The following ZC3H3 variants were observed in gnomAD, a reference collection of about 807,000 sequenced individuals.
ZC3H3 encodes zinc finger CCCH domain-containing protein 3.
In ZC3H3, 36 loss-of-function variants were observed where a neutral mutation model predicts 77.3. The ratio of observed to expected loss-of-function variants is 0.47; its 90% CI spans 0.36 to 0.61. The LOEUF is 0.61. ZC3H3 is among the 20% of genes least tolerant of loss of function. The pLI is 0.00. For missense variants in ZC3H3, 1,331 were observed against 1,312.2 expected (o/e 1.01, Z -0.22); for synonymous variants, 626 against 555.2 (o/e 1.13, Z -1.79).
chr8:143,510,822 G>T (rs1261457460), intron 3 of ZC3H3, among the ~76,000 whole-genome samples: 2 of 152,122 alleles, frequency 1.3e-5, no homozygotes, highest in African/African-American at 4.8e-5. Flanking sequence ...GACTCCCAGG[G>T]CTGTAATTTT....
chr8:143,443,659 G>A (rs1819801245), intron 9 of ZC3H3, among the ~76,000 whole-genome samples: 1 of 152,198 alleles, frequency 6.6e-6, no homozygotes, highest in African/African-American at 2.4e-5. Flanking sequence ...AACCAAGAGA[G>A]TTAAAAGTTG....
At chr8:143,528,835 GA>G (rs1245818974) in intron 3 of ZC3H3, among the ~76,000 whole-genome samples, 2 of 152,352 alleles carry the variant, frequency 1.3e-5, no homozygotes, top group African/African-American at 4.8e-5. Flanking sequence ...AGTCCTCTGG[GA>G]GGGGGGGCGC....
intron 5 of ZC3H3, 26 bp from the exon 6 acceptor site, chr8:143,468,685 T>C (rs1444648047): frequency 5.7e-5 from 88 of 1,543,320 alleles, no homozygotes; most frequent in Non-Finnish European, 7.5e-5. Flanking sequence ...GCACGGGTCA[T>C]AGCAGGCCAC....
intron 3 of ZC3H3, among the ~76,000 whole-genome samples, chr8:143,515,649 C>T (rs80292129): frequency 0.018 from 2,713 of 152,300 alleles, 79 homozygotes; most frequent in African/African-American, 0.061. Flanking sequence ...GGCCACCACA[C>T]AGAACCCACA....
intron 5 of ZC3H3, among the ~76,000 whole-genome samples, chr8:143,472,898 G>A (rs915021153): frequency 2.6e-5 from 4 of 152,204 alleles, no homozygotes; most frequent in Non-Finnish European, 5.9e-5. Context: ...TGCAGTGGGG[G>A]CCACTCCCTG....
In ZC3H3 at chr8:143,536,456, G is replaced by A. The variant is rs779990729; in HGVS notation, c.1365-3C>T. The A allele has an allele frequency of 1.1e-5, 16 of 1,495,706 alleles. 1 individual carries two copies. The South Asian group carries it at 1.7e-4, about 16-fold the overall frequency. 92.7% of individuals were successfully genotyped at this position (1,495,706 alleles called of 1,614,324 possible). On this transcript the variant is annotated splice_region_variant and splice_polypyrimidine_tract_variant and intron_variant, in intron 2 of 11. Coordinates refer to ENST00000262577, the MANE Select transcript of ZC3H3 (RefSeq NM_015117.3). Reference sequence around the variant, plus strand: ...CGCTTTTCTTGTCTCCAGGAAGGCTGTGGAGACAAAATACAGGCAGCTCTC... The same window carrying A: ...CGCTTTTCTTGTCTCCAGGAAGGCTATGGAGACAAAATACAGGCAGCTCTC...
intron 9 of ZC3H3, among the ~76,000 whole-genome samples, chr8:143,443,480 C>G (rs1819798267): frequency 6.6e-6 from 1 of 152,090 alleles, no homozygotes; most frequent in Admixed American, 6.6e-5. Flanking sequence ...AGAAAACTCT[C>G]CAAAGATCTG....
intron 4 of ZC3H3, among the ~76,000 whole-genome samples, chr8:143,504,548 C>T (rs1260802134): frequency 6.6e-6 from 1 of 152,150 alleles, no homozygotes; most frequent in African/African-American, 2.4e-5. Flanking sequence ...GTCCTGAACA[C>T]CCCACCACAA....
In ZC3H3 at chr8:143,539,154, G is replaced by A. The variant is rs1822924440; in HGVS notation, c.213C>T (p.Arg71=). 1.8e-5 allele frequency: 29 copies of A among 1,613,000 alleles called. No individual in the cohort carries two copies. Among genetic ancestry groups the A allele is most frequent in the Non-Finnish European group, 2.5e-5 (29 of 1,180,024 alleles). ...GYSSHHGPSW[R]KKYSLVNRPP... Reference sequence around the variant, plus strand: ...GCCGATTCACGAGGGAGTATTTCTTGCGCCACGAAGGCCCATGGTGGGAAG... The same window carrying A: ...GCCGATTCACGAGGGAGTATTTCTTACGCCACGAAGGCCCATGGTGGGAAG... The change falls in exon 2 of 12, where the codon CGC becomes CGT. Residue 71 remains arginine (R), a synonymous_variant. Coordinates refer to ENST00000262577, the MANE Select transcript of ZC3H3 (RefSeq NM_015117.3).
In ZC3H3 at chr8:143,493,283, T is replaced by C. The variant is rs1473140874; in HGVS notation, c.1715+14463A>G. Among the ~76,000 whole-genome samples, 1 of 152,174 alleles carries C rather than the reference T, an allele frequency of 6.6e-6. No homozygotes were observed. The highest frequency in any genetic ancestry group is 2.4e-5 in the African/African-American group (1 of 41,444). On this transcript the variant is annotated intron_variant, in intron 4 of 11. Coordinates refer to ENST00000262577, the MANE Select transcript of ZC3H3 (RefSeq NM_015117.3). The surrounding 1 kb of genome is among the most constrained non-coding windows in gnomAD (Gnocchi z 4.8). Reference sequence around the variant, plus strand: ...CTGCCTGCCAGCAAGGGCTGGGGTCTAAGATCTCCAGGAAAAAGTCCCTCT... The same window carrying C: ...CTGCCTGCCAGCAAGGGCTGGGGTCCAAGATCTCCAGGAAAAAGTCCCTCT...
chr8:143,468,297 C>T lies in ZC3H3; in HGVS notation c.2106-19G>A, dbSNP rs563551441. ...GACAAACCTGCAGCACCAGGAGAAA[C>T]GGGTATGAGGAAGGGCCGGCAGGGA... On this transcript the variant is annotated intron_variant, in intron 7 of 11. Transcript: ENST00000262577. The T allele has an allele frequency of 6.8e-5, 109 of 1,612,846 alleles. 2 individuals carry two copies. The highest frequency in any genetic ancestry group is 5.6e-4 in the South Asian group (51 of 91,048).
In ZC3H3 at chr8:143,538,644, C is replaced by T; in HGVS notation, c.723G>A (p.Val241=). ...PSSALPPRTG[V]ALGRKLGSHS... ...GAGAACCCAGCTTCCGGCCCAGGGCCACGCCAGTGCGTGGGGGCAGAGCGG... is the reference window on the plus strand; with the variant it reads ...GAGAACCCAGCTTCCGGCCCAGGGCTACGCCAGTGCGTGGGGGCAGAGCGG... The change falls in exon 2 of 12, where the codon GTG becomes GTA. Residue 241 remains valine (V), a synonymous_variant. Transcript: ENST00000262577. The T allele has an allele frequency of 6.2e-7, 1 of 1,608,764 alleles. No individual in the cohort carries two copies. Among genetic ancestry groups the T allele is most frequent in the South Asian group, 1.1e-5 (1 of 91,078 alleles).
chr8:143,490,488 A>G (rs1449658508), intron 4 of ZC3H3, among the ~76,000 whole-genome samples: 2 of 152,104 alleles, frequency 1.3e-5, no homozygotes, highest in African/African-American at 2.4e-5. Flanking sequence ...CCTCCTCCCC[A>G]GTGGGGCCCT....
chr8:143,458,865 A>T (rs1820186696), intron 9 of ZC3H3, among the ~76,000 whole-genome samples: 1 of 151,506 alleles, frequency 6.6e-6, no homozygotes, highest in South Asian at 2.1e-4. Context: ...TCATGCCTGT[A>T]ACCCCAGCAT....
At chr8:143,521,887 A>G (rs990226022) in intron 3 of ZC3H3, among the ~76,000 whole-genome samples, 1 of 152,218 alleles carries the variant, frequency 6.6e-6, no homozygotes, top group Non-Finnish European at 1.5e-5. Flanking sequence ...CTCTGGCCAC[A>G]GAGGCGGCTC....
chr8:143,531,852 T>C (rs944319634), intron 3 of ZC3H3, among the ~76,000 whole-genome samples: 1 of 152,272 alleles, frequency 6.6e-6, no homozygotes, highest in African/African-American at 2.4e-5. Flanking sequence ...GGCTGACCTC[T>C]TTCGCACGGG....
At chr8:143,439,732 A>T (rs1819677108) in intron 11 of ZC3H3, among the ~76,000 whole-genome samples, 1 of 152,074 alleles carries the variant, frequency 6.6e-6, no homozygotes, top group African/African-American at 2.4e-5. Flanking sequence ...CGCCCGTGGG[A>T]CTCACCCAGG....
chr8:143,448,138 C>G (rs1411929958), intron 9 of ZC3H3, among the ~76,000 whole-genome samples: 1 of 150,614 alleles, frequency 6.6e-6, no homozygotes, highest in Non-Finnish European at 1.5e-5. Flanking sequence ...AAAAACAAAA[C>G]AAACAAACAA....
intron 3 of ZC3H3, among the ~76,000 whole-genome samples, chr8:143,513,581 G>A (rs1370577218): frequency 6.6e-6 from 1 of 152,246 alleles, no homozygotes; most frequent in Non-Finnish European, 1.5e-5. Flanking sequence ...GTTCCCGAGA[G>A]CCCTGGGCTC....
Sources: gnomAD v4.1 joint callset for allele counts (sites outside exome capture counted in the v4.1 genomes callset) on GRCh38, gnomAD v4.1.1 for gene constraint, Gnocchi (gnomAD v3.1) non-coding constraint, MANE v1.5 for transcripts, NCBI Gene and HGNC (gene_info 2026-07-23, HGNC 2026-07-21) for gene names.